The following ZSCAN30 variants were observed in gnomAD, a reference collection of about 807,000 sequenced individuals.
ZSCAN30 encodes zinc finger and SCAN domain-containing protein 30.
ZSCAN30 carries 37 observed loss-of-function variants against 44.3 expected under a neutral mutation model. That is an observed-to-expected ratio of 0.84 (90% CI 0.64 to 1.10). The LOEUF (loss-of-function observed/expected upper bound fraction) is 1.10, where lower values mean the gene tolerates loss of function less well. ZSCAN30 is among the 50% of genes least tolerant of loss of function. ZSCAN30 has a pLI of 0.00. For missense variants in ZSCAN30, 549 were observed against 582.6 expected (o/e 0.94, Z 0.59); for synonymous variants, 181 against 204.6 (o/e 0.88, Z 0.98).
intron 3 of ZSCAN30, chr18:35,258,773 G>A (rs1163418828): frequency 6.7e-6 from 1 of 148,666 alleles, no homozygotes; most frequent in Non-Finnish European, 1.5e-5. Flanking sequence ...GGGAGGCTGA[G>A]GCAGGAGAAT....
chr18:35,257,697 G>GCCT (rs796374094), intron 3 of ZSCAN30, among the ~76,000 whole-genome samples: 6 of 152,278 alleles, frequency 3.9e-5, no homozygotes, highest in African/African-American at 1.4e-4. Flanking sequence ...ATACAGAGAT[G>GCCT]CCTCCTTCTG....
chr18:35,284,764 AGGTGGG>A (rs1159504429), intron 1 of ZSCAN30: 1 of 155,012 alleles, frequency 6.5e-6, no homozygotes, highest in African/African-American at 2.4e-5. Context: ...TGCACAAAGG[AGGTGGG>A]GGATGCAGGA....
Position 35,263,700 on chromosome 18 carries a change from C to T in ZSCAN30, c.409-43G>A, listed in dbSNP as rs773259581. The T allele has an allele frequency of 1.0e-5, 16 of 1,606,554 alleles. No individual in the cohort carries two copies. In the South Asian group the frequency reaches 1.8e-4, roughly 18 times the overall value. On this transcript the variant is annotated intron_variant, in intron 2 of 3. Coordinates refer to ENST00000333206, the MANE Select transcript of ZSCAN30 (RefSeq NM_001112734.4). The stretch of plus-strand genomic sequence containing the variant: ...CCAGCACTATCATTCTGAGGATACA[C>T]AAGCAGAAAACTCCTAGAGCAACAG...
chr18:35,253,227 G>T lies in ZSCAN30; in HGVS notation c.*223C>A, dbSNP rs2043658014. 2.4e-6 allele frequency: 1 copy of T among 423,530 alleles called. No homozygotes were observed. The highest frequency in any genetic ancestry group is 4.2e-6 in the Non-Finnish European group (1 of 237,472). 26.2% of individuals were successfully genotyped at this position (423,530 alleles called of 1,614,324 possible). A position where few individuals can be genotyped will look rare whatever the true frequency, so the allele number is the denominator to read the frequency against. ...CCAGAAATGGGTTAGGCATTTCAAG[G>T]AAATATCTACCATTCTTTTTGGAGA... On this transcript the variant is annotated 3_prime_UTR_variant, in exon 4 of 4. Coordinates refer to ENST00000333206, the MANE Select transcript of ZSCAN30 (RefSeq NM_001112734.4).
intron 3 of ZSCAN30, chr18:35,256,978 G>A (rs2043848553): frequency 6.5e-6 from 1 of 153,930 alleles, no homozygotes; most frequent in African/African-American, 2.4e-5. Flanking sequence ...GTCTTGCCAT[G>A]TTGCCCAGAC....
intron 1 of ZSCAN30, among the ~76,000 whole-genome samples, chr18:35,272,378 C>T (rs796809071): frequency 3.0e-4 from 42 of 141,792 alleles, no homozygotes; most frequent in African/African-American, 8.5e-4. Flanking sequence ...GATGGAGTCT[C>T]GCTCTGTGGA....
At position 35,253,423 on chromosome 18, in the gene ZSCAN30, A is replaced by T. The variant is rs374959662; in HGVS notation, c.*27T>A. 1.1e-5 allele frequency: 16 copies of T among 1,523,506 alleles called. No homozygotes were observed. In the African/African-American group the frequency reaches 2.1e-4, roughly 20 times the overall value. The allele number at this position is 1,523,506 out of a possible 1,614,324, so 94.4% of individuals were successfully genotyped here. A position where few individuals can be genotyped will look rare whatever the true frequency, so the allele number is the denominator to read the frequency against. ...CCCTACAGTGAACTCCTTGCATTTCACAATTGTACAACTCTTACCCACAGA... is the reference window on the plus strand; with the variant it reads ...CCCTACAGTGAACTCCTTGCATTTCTCAATTGTACAACTCTTACCCACAGA... On this transcript the variant is annotated 3_prime_UTR_variant, in exon 4 of 4. Coordinates refer to ENST00000333206, the MANE Select transcript of ZSCAN30 (RefSeq NM_001112734.4).
intron 1 of ZSCAN30, among the ~76,000 whole-genome samples, chr18:35,286,558 A>C (rs888999579): frequency 6.6e-6 from 1 of 152,176 alleles, no homozygotes; most frequent in East Asian, 1.9e-4. Flanking sequence ...GCAATTGACA[A>C]AATCCATCCT....
At chr18:35,260,962 T>G (rs1195214244) in intron 3 of ZSCAN30, 1 of 152,364 alleles carries the variant, frequency 6.6e-6, no homozygotes, top group East Asian at 1.9e-4. Flanking sequence ...TAGATTTTTT[T>G]ACTAGGGATT....
rs1303108850 is a variant in ZSCAN30 at position 35,264,153 on chromosome 18, C to G, written c.200G>C (p.Ser67Thr). Residue 67 changes from serine to threonine, a missense_variant, in exon 2 of 4, where the codon AGC becomes ACC. Transcript: ENST00000333206. Reference sequence around the variant, plus strand: ...CTGACAGCAAAGCTCTCGCAGCCGGCTCAGAGCCTCCCGAGGGCCAGTGGA... The same window carrying G: ...CTGACAGCAAAGCTCTCGCAGCCGGGTCAGAGCCTCCCGAGGGCCAGTGGA... ...SDSTGPREAL[S>T]RLRELCCQWL... The G allele has an allele frequency of 1.2e-6, 2 of 1,614,254 alleles. No homozygotes were observed. The highest frequency in any genetic ancestry group is 1.7e-6 in the Non-Finnish European group (2 of 1,180,040).
chr18:35,287,168 CTAAA>C (rs1379077131), intron 1 of ZSCAN30, among the ~76,000 whole-genome samples: 5 of 151,894 alleles, frequency 3.3e-5, no homozygotes, highest in African/African-American at 4.8e-5. Context: ...TAAGGAAGAC[CTAAA>C]TAAATTGAGA....
At chr18:35,281,349 G>A (rs931125949) in intron 1 of ZSCAN30, 2 of 152,134 alleles carry the variant, frequency 1.3e-5, no homozygotes, top group Non-Finnish European at 2.9e-5. Flanking sequence ...GTTTTGGCCA[G>A]TCCAACAAAC....
At chr18:35,270,893 C>T (rs964718624) in intron 1 of ZSCAN30, among the ~76,000 whole-genome samples, 4 of 152,180 alleles carry the variant, frequency 2.6e-5, no homozygotes, top group African/African-American at 4.8e-5. Context: ...CTGATGGGTT[C>T]GTGGTCTTGC....
rs569876348 is a variant in ZSCAN30, at chr18:35,255,562, T to C, written c.554-1181A>G. Among the ~76,000 whole-genome samples, 280 of 152,266 alleles carry C rather than the reference T, an allele frequency of 1.8e-3. 2 individuals are homozygous for C. Among genetic ancestry groups the C allele is most frequent in the African/African-American group, 6.5e-3 (269 of 41,564 alleles). ...TCCATATTGGAAGGATGCAGGGCTG[T>C]AGTTGCACTGAAACAAAATATAACT... is the stretch of plus-strand genomic sequence containing the variant. On this transcript the variant is annotated intron_variant, in intron 3 of 3. Coordinates refer to ENST00000333206, the MANE Select transcript of ZSCAN30 (RefSeq NM_001112734.4).
chr18:35,261,676 A>G (rs1219043077), intron 3 of ZSCAN30: 1 of 152,128 alleles, frequency 6.6e-6, no homozygotes, highest in African/African-American at 2.4e-5. Flanking sequence ...TCAGGTGTGC[A>G]GTACAGACAC....
At chr18:35,271,952 GCCGAGCCCGCGCCCA>G (rs2044288567) in intron 1 of ZSCAN30, among the ~76,000 whole-genome samples, 1 of 152,108 alleles carries the variant, frequency 6.6e-6, no homozygotes, top group Admixed American at 6.5e-5. Flanking sequence ...TGCGGGGCCC[GCCGAGCCCGCGCCCA>G]CCCGGAACTC....
At chr18:35,277,934 GATA>G (rs1346782563) in intron 1 of ZSCAN30, among the ~76,000 whole-genome samples, 1 of 152,058 alleles carries the variant, frequency 6.6e-6, no homozygotes, top group Non-Finnish European at 1.5e-5. Flanking sequence ...CTTAGGTTTA[GATA>G]ATTTTTTTTC....
At chr18:35,261,618 G>A (rs2044031558) in intron 3 of ZSCAN30, 1 of 140,260 alleles carries the variant, frequency 7.1e-6, no homozygotes, top group South Asian at 2.4e-4. Flanking sequence ...TGTAGCAATT[G>A]TGAATGGGAG....
intron 1 of ZSCAN30, chr18:35,284,528 G>C (rs1426099267): frequency 1.3e-5 from 2 of 155,182 alleles, no homozygotes; most frequent in Middle Eastern, 5.2e-4. Flanking sequence ...GCAGAGGAAT[G>C]GCCTGTCAGC....
Sources: allele counts gnomAD v4.1 joint callset (sites outside exome capture counted in the v4.1 genomes callset), GRCh38; gene constraint gnomAD v4.1.1; transcripts MANE v1.5; gene names NCBI Gene and HGNC (gene_info 2026-07-23, HGNC 2026-07-21).